Variants in GLDC observed in about 807,000 individuals in gnomAD.
The protein encoded by GLDC is glycine decarboxylase.
GLDC carries 104 observed loss-of-function variants against 121.3 expected under a neutral mutation model. The observed-to-expected ratio is 0.86, with a 90% CI of 0.73 to 1.01. GLDC has a LOEUF of 1.01. Among genes scored for constraint, GLDC ranks in the 50% least tolerant of loss-of-function variants. The pLI, the probability that GLDC is intolerant of heterozygous loss-of-function variation, is 0.00. For missense variants in GLDC, 1,429 were observed against 1,306.6 expected (o/e 1.09, Z -1.44); for synonymous variants, 546 against 480.6 (o/e 1.14, Z -1.78).
At position 6,535,860 on chromosome 9, in the gene GLDC, A is replaced by G. The variant is rs1213060208; in HGVS notation, c.2838+204T>C. ...AACTAGACAGCTGTGGACAGCTTCC[A>G]CAACCACATCATCCTTGAGTAACTG... On this transcript the variant is annotated intron_variant, in intron 23 of 24. Transcript: ENST00000321612. 5.6e-5 allele frequency: 34 copies of G among 605,200 alleles called. No individual in the cohort carries two copies. In the Middle Eastern group the frequency reaches 1.3e-3, roughly 24 times the overall value. The allele number at this position is 605,200 out of a possible 1,614,324, so 37.5% of individuals were successfully genotyped here.
Position 6,620,271 on chromosome 9 carries a change from T to C in GLDC, c.383A>G (p.Gln128Arg), listed in dbSNP as rs1819061825. The change falls in exon 3 of 25, where the codon CAG (glutamine) becomes CGG (arginine). Residue 128 changes from glutamine (Q) to arginine (R), a missense_variant. Physicochemically the swap from Gln to Arg is conservative, Grantham distance 43. Coordinates refer to ENST00000321612, the MANE Select transcript of GLDC (RefSeq NM_000170.3). Reference protein sequence around the residue: ...ATLHAISSKNQIWRSYIGMGY... With the variant: ...ATLHAISSKNRIWRSYIGMGY... ...CATGCCAATATACGATCTCCAGATC[T>C]GGTTTTTGCTTGAAATGGCATGCAG... 1 of 1,613,624 alleles carries C rather than the reference T, an allele frequency of 6.2e-7. No homozygotes were observed. Among genetic ancestry groups the C allele is most frequent in the Middle Eastern group, 1.7e-4 (1 of 6,056 alleles).
At chr9:6,616,529 C>G (rs187228908) in intron 3 of GLDC, among the ~76,000 whole-genome samples, 2 of 152,142 alleles carry the variant, frequency 1.3e-5, no homozygotes, top group South Asian at 2.1e-4. Flanking sequence ...AGCCTTGGAT[C>G]TGAGAGATGA....
At chr9:6,560,595 C>T (rs1257284844) in intron 16 of GLDC, among the ~76,000 whole-genome samples, 1 of 152,144 alleles carries the variant, frequency 6.6e-6, no homozygotes, top group Non-Finnish European at 1.5e-5. Flanking sequence ...ATGAAAGGAT[C>T]CCTTCAGGGC....
At chr9:6,543,767 A>T (rs1479722104) in intron 21 of GLDC, among the ~76,000 whole-genome samples, 1 of 152,128 alleles carries the variant, frequency 6.6e-6, no homozygotes, top group Non-Finnish European at 1.5e-5. Flanking sequence ...TTGGGGCGAT[A>T]TCAAGTGGAA....
At chr9:6,599,735 C>CAA (rs1489124416) in intron 8 of GLDC, among the ~76,000 whole-genome samples, 23 of 135,258 alleles carry the variant, frequency 1.7e-4, no homozygotes, top group African/African-American at 6.2e-4. Flanking sequence ...AAAAAAAAAA[C>CAA]AACCAAAAAA....
At chr9:6,572,938 C>A (rs1015334514) in intron 15 of GLDC, among the ~76,000 whole-genome samples, 1 of 152,190 alleles carries the variant, frequency 6.6e-6, no homozygotes, top group South Asian at 2.1e-4. Flanking sequence ...ATCTCACAAA[C>A]AGGTATTTCC....
intron 15 of GLDC, among the ~76,000 whole-genome samples, chr9:6,580,109 G>A (rs996952666): frequency 1.3e-5 from 2 of 152,146 alleles, no homozygotes; most frequent in African/African-American, 4.8e-5. Flanking sequence ...AGAGACCTTC[G>A]ACCCAGGAAC....
rs570550476 is a variant in GLDC at position 6,644,500 on chromosome 9, C to G, written c.334+114G>C. 3.4e-4 allele frequency: 253 copies of G among 754,350 alleles called. No homozygotes were observed. In the African/African-American group the frequency reaches 4.0e-3, roughly 12 times the overall value. The allele number at this position is 754,350 out of a possible 1,614,324, so 46.7% of individuals were successfully genotyped here. ...GTACCCGCCACTGTTTTATTTTAAT[C>G]CACACATTCCCAGTCCTGAGCAATC... On this transcript the variant is annotated intron_variant, in intron 2 of 24. Coordinates refer to ENST00000321612, the MANE Select transcript of GLDC (RefSeq NM_000170.3).
intron 16 of GLDC, among the ~76,000 whole-genome samples, chr9:6,564,949 G>A (rs762490966): frequency 3.3e-5 from 5 of 152,178 alleles, no homozygotes; most frequent in Non-Finnish European, 5.9e-5. Context: ...GACCAGAACC[G>A]GGCTTCAGCA....
intron 2 of GLDC, among the ~76,000 whole-genome samples, chr9:6,630,586 C>T (rs552287217): frequency 1.3e-5 from 2 of 152,292 alleles, no homozygotes; most frequent in South Asian, 4.1e-4. Context: ...AGGCCTTTCT[C>T]TGCTAGAGGG....
intron 2 of GLDC, among the ~76,000 whole-genome samples, chr9:6,640,977 G>A (rs1755604): frequency 0.31 from 46,450 of 152,086 alleles, 7,581 homozygotes; most frequent in East Asian, 0.51. Context: ...TGTTGAGTGC[G>A]TGTGGATGGG....
chr9:6,580,708 A>G (rs1192802921), intron 15 of GLDC, among the ~76,000 whole-genome samples: 1 of 152,128 alleles, frequency 6.6e-6, no homozygotes, highest in Non-Finnish European at 1.5e-5. Context: ...TGCCATAGTT[A>G]TTGGCTTCTG....
At chr9:6,606,811 G>A (rs141545653) in intron 4 of GLDC, 142 bp from the exon 5 acceptor site, 7,546 of 688,866 alleles carry the variant, frequency 0.011, 64 homozygotes, top group Non-Finnish European at 0.016. Flanking sequence ...GGTGGCTCAC[G>A]CCTGTAATCC....
chr9:6,591,552 A>T (rs2129847906), intron 11 of GLDC, among the ~76,000 whole-genome samples: 1 of 152,270 alleles, frequency 6.6e-6, no homozygotes, highest in Non-Finnish European at 1.5e-5. Flanking sequence ...CAAGATACAA[A>T]TGTCTTGCAT....
At chr9:6,558,509 C>T (rs1458660248) in intron 17 of GLDC, 50 bp downstream of exon 17, 2 of 1,605,912 alleles carry the variant, frequency 1.2e-6, no homozygotes, top group Non-Finnish European at 1.7e-6. Context: ...TGATCCCCAC[C>T]AGCACTCCCC....
At position 6,604,748 on chromosome 9, in the gene GLDC, A is replaced by G; in HGVS notation, c.898T>C (p.Cys300Arg). 6.2e-7 allele frequency: 1 copy of G among 1,614,216 alleles called. No homozygotes were observed. The highest frequency in any genetic ancestry group is 8.5e-7 in the Non-Finnish European group (1 of 1,180,014). Residue 300 changes from cysteine (C) to arginine (R), a missense_variant, in exon 7 of 25, where the codon TGC (cysteine) becomes CGC (arginine). Cys to Arg is a radical substitution (Grantham distance 180). Coordinates refer to ENST00000321612, the MANE Select transcript of GLDC (RefSeq NM_000170.3). ...ACCATDLLAL[C>R]ILRPPGEFGV... ...AATTCTCCAGGTGGCCTCAAGATGCACAAAGCTAAAAGGTCAGTAGCACAG... is the reference window on the plus strand; with the variant it reads ...AATTCTCCAGGTGGCCTCAAGATGCGCAAAGCTAAAAGGTCAGTAGCACAG...
chr9:6,581,336 T>C (rs1281595083), intron 15 of GLDC, among the ~76,000 whole-genome samples: 1 of 152,218 alleles, frequency 6.6e-6, no homozygotes, highest in Non-Finnish European at 1.5e-5. Context: ...TGGTCACTAA[T>C]ACAACCTTTT....
chr9:6,612,960 T>A (rs1211627107), intron 3 of GLDC, among the ~76,000 whole-genome samples: 1 of 152,170 alleles, frequency 6.6e-6, no homozygotes, highest in East Asian at 1.9e-4. Context: ...GGAGTGAGAC[T>A]CTGTCTCAAA....
In GLDC at chr9:6,536,361, T is replaced by G. The variant is rs748060681; in HGVS notation, c.2666-125A>C. 4 of 857,496 alleles carry G rather than the reference T, an allele frequency of 4.7e-6. No individual in the cohort carries two copies. The East Asian group carries it at 1.1e-4, about 23-fold the overall frequency. 53.1% of individuals were successfully genotyped at this position (857,496 alleles called of 1,614,324 possible). A position where few individuals can be genotyped will look rare whatever the true frequency, so the allele number is the denominator to read the frequency against. On this transcript the variant is annotated intron_variant, in intron 22 of 24. Coordinates refer to ENST00000321612, the MANE Select transcript of GLDC (RefSeq NM_000170.3). ...ATCATCAGATACATTTGCAAATGTA[T>G]GTATGTGGGGACTCATCTCAGTGCT...
Sources: gnomAD v4.1 joint callset for allele counts (sites outside exome capture counted in the v4.1 genomes callset) on GRCh38, gnomAD v4.1.1 for gene constraint, MANE v1.5 for transcripts, NCBI Gene and HGNC (gene_info 2026-07-23, HGNC 2026-07-21) for gene names.